CHCHD3: variants seen among roughly 807,000 people sequenced by gnomAD.
CHCHD3 encodes the protein MICOS complex subunit MIC19.
CHCHD3 carries 20 observed loss-of-function variants against 38.2 expected under a neutral mutation model. The ratio of observed to expected loss-of-function variants is 0.52; its 90% CI spans 0.37 to 0.76. The LOEUF is 0.76. Ranked by LOEUF, CHCHD3 falls within the 30% of genes least tolerant of loss-of-function variation. CHCHD3 has a pLI of 0.00. For synonymous variants in CHCHD3, 82 were observed against 100.0 expected, an observed-to-expected ratio of 0.82 and a Z score of 1.07; for missense variants, 245 against 279.2, an observed-to-expected ratio of 0.88 and a Z score of 0.87.
chr7:132,807,500 A>G (rs1239934207), intron 6 of CHCHD3, among the ~76,000 whole-genome samples: 1 of 151,650 alleles, frequency 6.6e-6, no homozygotes, highest in Non-Finnish European at 1.5e-5. Context: ...AAATGGAATA[A>G]GAGTTTATGG....
intron 4 of CHCHD3, among the ~76,000 whole-genome samples, chr7:132,910,818 G>A (rs1325188844): frequency 6.6e-6 from 1 of 152,144 alleles, no homozygotes; most frequent in Non-Finnish European, 1.5e-5. Context: ...TGTCTTTCCT[G>A]ACCCTACCGA....
At chr7:132,798,869 C>T (rs534453239) in intron 6 of CHCHD3, among the ~76,000 whole-genome samples, 1 of 152,200 alleles carries the variant, frequency 6.6e-6, no homozygotes, top group East Asian at 1.9e-4. Context: ...AAGCATGTAT[C>T]CTGGGTTGAG....
At chr7:133,038,804 A>C (rs1813750761) in intron 2 of CHCHD3, among the ~76,000 whole-genome samples, 1 of 152,266 alleles carries the variant, frequency 6.6e-6, no homozygotes, top group African/African-American at 2.4e-5. Context: ...ATGTCACTAC[A>C]TATTGGGGTG....
At chr7:132,977,311 A>C (rs1411936021) in intron 3 of CHCHD3, among the ~76,000 whole-genome samples, 1 of 152,226 alleles carries the variant, frequency 6.6e-6, no homozygotes, top group Non-Finnish European at 1.5e-5. Flanking sequence ...AGTGCCTAGC[A>C]AACTGTCTTT....
chr7:132,986,881 T>C (rs1317113365), intron 3 of CHCHD3, among the ~76,000 whole-genome samples: 1 of 152,202 alleles, frequency 6.6e-6, no homozygotes, highest in South Asian at 2.1e-4. Flanking sequence ...ATTGTCCTTA[T>C]CTATAGAGCT....
chr7:132,911,686 C>T (rs1028798299), intron 4 of CHCHD3, among the ~76,000 whole-genome samples: 2 of 152,220 alleles, frequency 1.3e-5, no homozygotes, highest in Non-Finnish European at 2.9e-5. Context: ...GCTCTGCTCC[C>T]CATCGGTTTA....
intron 2 of CHCHD3, among the ~76,000 whole-genome samples, chr7:133,039,415 A>T (rs542899909): frequency 6.6e-6 from 1 of 152,330 alleles, no homozygotes; most frequent in South Asian, 2.1e-4. Context: ...TGTCTCTGCC[A>T]TTTCAGATAT....
rs540773321 is a variant in CHCHD3, at chr7:132,885,546, C to T, written c.453+116G>A. 5.1e-6 allele frequency: 4 copies of T among 781,536 alleles called. No individual in the cohort carries two copies. The South Asian group carries it at 7.7e-5, about 15-fold the overall frequency. The allele number at this position is 781,536 out of a possible 1,614,324, so 48.4% of individuals were successfully genotyped here. Reference sequence around the variant, plus strand: ...AACTACCTGCTTTGCTTCTTCACTTCCTGGCCACTTTACAACCAGGAAAAG... The same window carrying T: ...AACTACCTGCTTTGCTTCTTCACTTTCTGGCCACTTTACAACCAGGAAAAG... On this transcript the variant is annotated intron_variant, in intron 5 of 7. Coordinates refer to ENST00000262570, the MANE Select transcript of CHCHD3 (RefSeq NM_017812.4).
chr7:132,981,197 T>C (rs1258535116), intron 3 of CHCHD3, among the ~76,000 whole-genome samples: 1 of 151,952 alleles, frequency 6.6e-6, no homozygotes, highest in African/African-American at 2.4e-5. Context: ...TTTCAGCATG[T>C]TGTCCACATG....
intron 4 of CHCHD3, among the ~76,000 whole-genome samples, chr7:132,927,258 T>C (rs941858897): frequency 6.6e-6 from 1 of 152,232 alleles, no homozygotes; most frequent in Non-Finnish European, 1.5e-5. Context: ...ATTCCTTCCT[T>C]AGCTGTGTTT....
intron 1 of CHCHD3, among the ~76,000 whole-genome samples, chr7:133,078,978 C>T (rs1412005510): frequency 6.6e-6 from 1 of 152,158 alleles, no homozygotes; most frequent in Non-Finnish European, 1.5e-5. Context: ...ACTGAGAATG[C>T]GGTTTCTTAT....
chr7:133,072,204 A>C (rs2117542702), intron 1 of CHCHD3, among the ~76,000 whole-genome samples: 1 of 152,136 alleles, frequency 6.6e-6, no homozygotes, highest in South Asian at 2.1e-4. Flanking sequence ...ATGTAAACTT[A>C]AAATGGATGA....
At chr7:133,019,930 C>G (rs1399085354) in intron 3 of CHCHD3, among the ~76,000 whole-genome samples, 1 of 152,074 alleles carries the variant, frequency 6.6e-6, no homozygotes, top group East Asian at 1.9e-4. Flanking sequence ...TATTGGCCTA[C>G]ACAGTTACAA....
intron 4 of CHCHD3, among the ~76,000 whole-genome samples, chr7:132,926,722 C>G (rs1195126129): frequency 3.3e-5 from 5 of 152,176 alleles, no homozygotes; most frequent in African/African-American, 1.2e-4. Flanking sequence ...AACCTAGGCA[C>G]ATCTTCCCAC....
chr7:133,026,814 A>C (rs563794187), intron 2 of CHCHD3, among the ~76,000 whole-genome samples: 1 of 152,370 alleles, frequency 6.6e-6, no homozygotes, highest in East Asian at 1.9e-4. Context: ...AAATGTCCAG[A>C]ATAGAAAAGT....
At chr7:133,017,109 A>G (rs1428544372) in intron 3 of CHCHD3, among the ~76,000 whole-genome samples, 1 of 152,088 alleles carries the variant, frequency 6.6e-6, no homozygotes, top group East Asian at 1.9e-4. Context: ...TTTAGGAAGG[A>G]AAAAGAAGAA....
At chr7:132,982,705 C>A (rs1811949848) in intron 3 of CHCHD3, among the ~76,000 whole-genome samples, 1 of 152,172 alleles carries the variant, frequency 6.6e-6, no homozygotes, top group South Asian at 2.1e-4. Context: ...CTCACAACAA[C>A]CCTATTAAAT....
intron 2 of CHCHD3, among the ~76,000 whole-genome samples, chr7:133,065,284 T>C (rs1205090265): frequency 1.3e-5 from 2 of 152,310 alleles, no homozygotes; most frequent in South Asian, 4.2e-4. Context: ...GAATACTTAC[T>C]GCAACGAGCC....
chr7:133,037,265 G>C (rs545621339), intron 2 of CHCHD3, among the ~76,000 whole-genome samples: 3 of 152,252 alleles, frequency 2.0e-5, no homozygotes, highest in African/African-American at 7.2e-5. Context: ...GTGTGGCAAA[G>C]AGAAAGATTT....
Sources: gnomAD v4.1 joint callset for allele counts (sites outside exome capture counted in the v4.1 genomes callset) on GRCh38, gnomAD v4.1.1 for gene constraint, MANE v1.5 for transcripts, NCBI Gene and HGNC (gene_info 2026-07-23, HGNC 2026-07-21) for gene names.